The following ZNF362 variants were observed in gnomAD, a reference collection of about 807,000 sequenced individuals.
ZNF362 encodes rotund homolog.
A neutral mutation model predicts 42.9 loss-of-function variants in ZNF362; 11 were observed. The observed-to-expected ratio is 0.26, with a 90% CI of 0.16 to 0.42. The LOEUF (loss-of-function observed/expected upper bound fraction) is 0.42, where lower values mean the gene tolerates loss of function less well. Ranked by LOEUF, ZNF362 falls within the 20% of genes least tolerant of loss-of-function variation. The probability of loss-of-function intolerance (pLI) is 1.00; values close to 1 mark genes in which losing one functional copy is unlikely to be tolerated. For missense variants in ZNF362, 362 were observed against 576.2 expected, an observed-to-expected ratio of 0.63 and a Z score of 3.81; for synonymous variants, 255 against 257.3, an observed-to-expected ratio of 0.99 and a Z score of 0.09.
chr1:33,134,566 G>C, the ZNF362 span, among the ~76,000 whole-genome samples: 1 of 152,158 alleles, frequency 6.6e-6, no homozygotes, highest in Admixed American at 6.5e-5. Context: ...GACACAAGGG[G>C]ACCCATGGAA....
At chr1:33,189,969 T>G in the ZNF362 span, among the ~76,000 whole-genome samples, 1 of 151,874 alleles carries the variant, frequency 6.6e-6, no homozygotes, top group African/African-American at 2.4e-5. Flanking sequence ...ATCTCCTTAC[T>G]TTAACAGGAG....
At chr1:33,138,374 A>T in the ZNF362 span, among the ~76,000 whole-genome samples, 1 of 152,336 alleles carries the variant, frequency 6.6e-6, no homozygotes, top group African/African-American at 2.4e-5. Flanking sequence ...CGTAGAAAAA[A>T]GGCTGGTCTA....
At chr1:33,279,800 T>C (rs1014082951) in intron 4 of ZNF362, among the ~76,000 whole-genome samples, 1 of 152,244 alleles carries the variant, frequency 6.6e-6, no homozygotes, top group African/African-American at 2.4e-5. Context: ...TTAATTGCTG[T>C]TTACCGAATC....
the ZNF362 span, among the ~76,000 whole-genome samples, chr1:33,131,721 T>C: frequency 1.3e-5 from 2 of 152,170 alleles, no homozygotes; most frequent in Non-Finnish European, 2.9e-5. Context: ...ATTTTGGCTA[T>C]TAGAAAATTT....
At chr1:33,215,376 G>A in the ZNF362 span, among the ~76,000 whole-genome samples, 1 of 152,072 alleles carries the variant, frequency 6.6e-6, no homozygotes, top group Non-Finnish European at 1.5e-5. Flanking sequence ...TGGGGTAGGG[G>A]AGAATGGTTA....
chr1:33,202,886 CTT>C, the ZNF362 span, among the ~76,000 whole-genome samples: 1 of 151,706 alleles, frequency 6.6e-6, no homozygotes, highest in Non-Finnish European at 1.5e-5. Context: ...ATATAAATAC[CTT>C]AAATATGATG....
the ZNF362 span, among the ~76,000 whole-genome samples, chr1:33,192,297 C>T: frequency 3.2e-4 from 49 of 152,194 alleles, no homozygotes; most frequent in Non-Finnish European, 6.3e-4. Context: ...CCCCTTGTAT[C>T]TGTATCTTGT....
At chr1:33,200,665 TTAGAGA>T in the ZNF362 span, among the ~76,000 whole-genome samples, 19 of 152,260 alleles carry the variant, frequency 1.2e-4, no homozygotes, top group African/African-American at 3.9e-4. Flanking sequence ...AAGGTTATTA[TTAGAGA>T]TAAAGTGAGT....
chr1:33,254,852 C>T (rs1645777102), upstream of ZNF362, among the ~76,000 whole-genome samples: 1 of 152,188 alleles, frequency 6.6e-6, no homozygotes, highest in African/African-American at 2.4e-5. Context: ...TCTGCACAGA[C>T]AATTTGTCTC....
At chr1:33,132,456 A>G in the ZNF362 span, among the ~76,000 whole-genome samples, 1 of 152,218 alleles carries the variant, frequency 6.6e-6, no homozygotes, top group African/African-American at 2.4e-5. Context: ...ATAGTTTGTC[A>G]ACCCCTAAAC....
intron 2 of ZNF362, among the ~76,000 whole-genome samples, chr1:33,272,070 A>T (rs962715816): frequency 6.6e-6 from 1 of 151,966 alleles, no homozygotes; most frequent in African/African-American, 2.4e-5. Context: ...TGTCCTGAGG[A>T]GCTGAATTGG....
chr1:33,242,256 C>T, the ZNF362 span, among the ~76,000 whole-genome samples: 7 of 151,826 alleles, frequency 4.6e-5, no homozygotes, highest in Non-Finnish European at 7.4e-5. Flanking sequence ...GAAAGATGGC[C>T]GAGGAAGAGG....
the ZNF362 span, among the ~76,000 whole-genome samples, chr1:33,192,036 G>A: frequency 1.4e-4 from 21 of 152,250 alleles, no homozygotes; most frequent in Non-Finnish European, 2.5e-4. Context: ...TCATCATTAG[G>A]TTCTGGATGT....
chr1:33,299,296 A>T lies in ZNF362; in HGVS notation c.*250A>T. ...CAGAGCACTTTGAACCTCTCTGTTG[A>T]GTTTTCTTTTTGTTCCCCACCCTTC... On this transcript the variant is annotated 3_prime_UTR_variant, in exon 9 of 9. Transcript: ENST00000539719. 5.5e-5 allele frequency: 14 copies of T among 255,122 alleles called. No homozygotes were observed. Among genetic ancestry groups the T allele is most frequent in the East Asian group, 1.9e-4 (3 of 15,534 alleles). The allele number at this position is 255,122 out of a possible 1,614,324, so 15.8% of individuals were successfully genotyped here. A position where few individuals can be genotyped will look rare whatever the true frequency, so the allele number is the denominator to read the frequency against.
the ZNF362 span, among the ~76,000 whole-genome samples, chr1:33,153,306 C>G: frequency 2.6e-5 from 4 of 152,192 alleles, no homozygotes; most frequent in Non-Finnish European, 2.9e-5. Context: ...TCTGAACTCC[C>G]CAGGGGCCTC....
the ZNF362 span, among the ~76,000 whole-genome samples, chr1:33,231,698 C>T: frequency 6.6e-6 from 1 of 152,162 alleles, no homozygotes; most frequent in African/African-American, 2.4e-5. Context: ...TTTTGATTAT[C>T]ATTGTGTCCC....
chr1:33,257,022 C>CG (rs1213832591), intron 1 of ZNF362, among the ~76,000 whole-genome samples: 1 of 152,162 alleles, frequency 6.6e-6, no homozygotes, highest in African/African-American at 2.4e-5. Flanking sequence ...TGCAAATAAA[C>CG]GGATTGCAAA....
chr1:33,144,676 G>A, the ZNF362 span, among the ~76,000 whole-genome samples: 10 of 152,134 alleles, frequency 6.6e-5, no homozygotes, highest in African/African-American at 2.4e-4. Flanking sequence ...TTCCACTTAA[G>A]TGTGCACAGC....
the ZNF362 span, chr1:33,159,966 G>A: frequency 6.3e-7 from 1 of 1,591,972 alleles, no homozygotes; most frequent in South Asian, 1.1e-5. This position sits in a 1 kb window ranked among gnomAD's most constrained non-coding sequence, Gnocchi z 4.2. Flanking sequence ...AGTCGTCAGG[G>A]GTTATGGCTG....
Sources: allele counts gnomAD v4.1 joint callset (sites outside exome capture counted in the v4.1 genomes callset), GRCh38; gene constraint gnomAD v4.1.1; non-coding constraint Gnocchi (gnomAD v3.1); transcripts MANE v1.5; gene names NCBI Gene and HGNC (gene_info 2026-07-23, HGNC 2026-07-21).